The following RPS6KC1 variants were observed in gnomAD, a reference collection of about 807,000 sequenced individuals.
RPS6KC1 encodes the protein inactive ribosomal protein S6 kinase delta-1.
Under a neutral mutation model 103.8 loss-of-function variants are expected in RPS6KC1, and 54 were observed. The observed-to-expected ratio is 0.52, with a 90% CI of 0.42 to 0.65. The LOEUF (loss-of-function observed/expected upper bound fraction) is 0.65, where lower values mean the gene tolerates loss of function less well. RPS6KC1 is among the 30% of genes least tolerant of loss of function. RPS6KC1 has a pLI of 0.00. For missense variants in RPS6KC1, 1,151 were observed against 1,253.8 expected, an observed-to-expected ratio of 0.92 and a Z score of 1.24; for synonymous variants, 439 against 438.7, an observed-to-expected ratio of 1.00 and a Z score of -0.01.
At chr1:213,672,336 T>G in the RPS6KC1 span, among the ~76,000 whole-genome samples, 89 of 152,348 alleles carry the variant, frequency 5.8e-4, no homozygotes, top group African/African-American at 2.1e-3. Context: ...TGGGCCTCCA[T>G]TTCTGTATTT....
the RPS6KC1 span, among the ~76,000 whole-genome samples, chr1:213,516,759 A>G: frequency 6.6e-6 from 1 of 152,162 alleles, no homozygotes; most frequent in Admixed American, 6.5e-5. Context: ...GTTAGGGAGG[A>G]TTCCCTCTTT....
At chr1:213,355,073 T>C in the RPS6KC1 span, among the ~76,000 whole-genome samples, 54 of 151,972 alleles carry the variant, frequency 3.6e-4, no homozygotes, top group Non-Finnish European at 6.8e-4. Flanking sequence ...CAAAAATTAG[T>C]CAGGTGTGGT....
chr1:213,542,474 G>A, the RPS6KC1 span, among the ~76,000 whole-genome samples: 4 of 152,160 alleles, frequency 2.6e-5, no homozygotes, highest in African/African-American at 9.7e-5. Context: ...CCCAGAAGTA[G>A]AAACTCCTAT....
At chr1:213,665,823 C>CT in the RPS6KC1 span, among the ~76,000 whole-genome samples, 1 of 152,048 alleles carries the variant, frequency 6.6e-6, no homozygotes, top group Non-Finnish European at 1.5e-5. Flanking sequence ...GTACTTTCTT[C>CT]CATACTATAA....
the RPS6KC1 span, among the ~76,000 whole-genome samples, chr1:213,655,553 A>G: frequency 3.9e-5 from 6 of 152,202 alleles, no homozygotes; most frequent in African/African-American, 1.4e-4. Flanking sequence ...AAGTTGACCA[A>G]GTTTACCTGA....
chr1:213,741,533 G>GA, the RPS6KC1 span, among the ~76,000 whole-genome samples: 73,371 of 150,280 alleles, frequency 0.49, 18,460 homozygotes, highest in East Asian at 0.82. Context: ...CAACGTGCTG[G>GA]AAAAAAAAAA....
At chr1:213,149,957 A>G (rs532098574) in intron 6 of RPS6KC1, among the ~76,000 whole-genome samples, 1 of 152,378 alleles carries the variant, frequency 6.6e-6, no homozygotes, top group South Asian at 2.1e-4. Context: ...TGATACAAAT[A>G]TATCAGAAAA....
the RPS6KC1 span, among the ~76,000 whole-genome samples, chr1:213,754,288 C>G: frequency 6.6e-6 from 1 of 152,364 alleles, no homozygotes; most frequent in South Asian, 2.1e-4. Flanking sequence ...CACTCTTCTT[C>G]TTCCTATAAG....
the RPS6KC1 span, among the ~76,000 whole-genome samples, chr1:213,800,191 A>G: frequency 3.3e-5 from 5 of 152,306 alleles, no homozygotes; most frequent in Non-Finnish European, 5.9e-5. Flanking sequence ...TATTTAGTCC[A>G]TCACAACAGG....
the RPS6KC1 span, among the ~76,000 whole-genome samples, chr1:213,297,114 G>A: frequency 2.0e-5 from 3 of 152,144 alleles, no homozygotes; most frequent in Admixed American, 1.3e-4. Flanking sequence ...TGACAATGGC[G>A]TGCAAAGTCT....
At chr1:213,336,923 A>G in the RPS6KC1 span, among the ~76,000 whole-genome samples, 1 of 152,196 alleles carries the variant, frequency 6.6e-6, no homozygotes, top group African/African-American at 2.4e-5. Flanking sequence ...CTATTTACAT[A>G]GACCACAGTG....
the RPS6KC1 span, among the ~76,000 whole-genome samples, chr1:213,383,294 A>G: frequency 6.6e-6 from 1 of 152,200 alleles, no homozygotes; most frequent in Admixed American, 6.5e-5. Flanking sequence ...AACCTTCCTG[A>G]AAGTCTGAGG....
At chr1:213,812,257 A>T in the RPS6KC1 span, among the ~76,000 whole-genome samples, 1 of 152,248 alleles carries the variant, frequency 6.6e-6, no homozygotes, top group South Asian at 2.1e-4. Context: ...AGGAAGAAAG[A>T]CAGGCTTCAT....
chr1:213,656,748 T>C, the RPS6KC1 span, among the ~76,000 whole-genome samples: 3 of 152,240 alleles, frequency 2.0e-5, no homozygotes, highest in African/African-American at 7.2e-5. Context: ...ATCTTTTTTC[T>C]CTTTGTGCTT....
the RPS6KC1 span, among the ~76,000 whole-genome samples, chr1:213,842,866 G>A: frequency 1.4e-4 from 22 of 152,322 alleles, no homozygotes; most frequent in African/African-American, 5.3e-4. Flanking sequence ...CATACCATAT[G>A]CTTACTACCA....
the RPS6KC1 span, among the ~76,000 whole-genome samples, chr1:213,422,681 G>A: frequency 2.6e-5 from 4 of 152,228 alleles, no homozygotes; most frequent in Non-Finnish European, 5.9e-5. Flanking sequence ...ACTAGGCGAG[G>A]AGAAAGGGAG....
At chr1:213,209,898 T>C (rs2093458864) in intron 8 of RPS6KC1, among the ~76,000 whole-genome samples, 1 of 152,078 alleles carries the variant, frequency 6.6e-6, no homozygotes, top group South Asian at 2.1e-4. Flanking sequence ...TTAGACTATA[T>C]AGGACAACCT....
chr1:213,111,450 A>G (rs747153648), intron 4 of RPS6KC1, among the ~76,000 whole-genome samples: 2 of 152,220 alleles, frequency 1.3e-5, no homozygotes, highest in African/African-American at 4.8e-5. Context: ...TAGTTCCTGT[A>G]TAACAGTTTT....
At chr1:213,304,004 G>T in the RPS6KC1 span, among the ~76,000 whole-genome samples, 3 of 151,342 alleles carry the variant, frequency 2.0e-5, no homozygotes, top group Non-Finnish European at 4.4e-5. Flanking sequence ...AGGAGATCGA[G>T]ACCATCCCGG....
Sources: allele counts gnomAD v4.1 joint callset (sites outside exome capture counted in the v4.1 genomes callset), GRCh38; gene constraint gnomAD v4.1.1; transcripts MANE v1.5; gene names NCBI Gene and HGNC (gene_info 2026-07-23, HGNC 2026-07-21).